Variants in MARCHF3 observed in about 807,000 individuals in gnomAD.
MARCHF3 encodes membrane associated ring-CH-type finger 3, also known as E3 ubiquitin-protein ligase MARCHF3.
A neutral mutation model predicts 24.2 loss-of-function variants in MARCHF3; 13 were observed. That is an observed-to-expected ratio of 0.54 (90% CI 0.35 to 0.85). The LOEUF is 0.85. MARCHF3 is among the 40% of genes least tolerant of loss of function. The pLI, the probability that MARCHF3 is intolerant of heterozygous loss-of-function variation, is 0.01. For missense variants in MARCHF3, 276 were observed against 325.0 expected (o/e 0.85, Z 1.16); for synonymous variants, 144 against 137.3 (o/e 1.05, Z -0.34).
chr5:126,915,650 G>A (rs1754702054), intron 2 of MARCHF3, among the ~76,000 whole-genome samples: 1 of 152,206 alleles, frequency 6.6e-6, no homozygotes, highest in South Asian at 2.1e-4. Flanking sequence ...TGCAGTCTGA[G>A]CCACAGCACA....
In MARCHF3 at chr5:126,990,841, CAAT is replaced by C. The variant is rs1751734301; in HGVS notation, c.-57+39506_-57+39508del. 1.3e-5 allele frequency among the ~76,000 whole-genome samples: 2 copies of C among 152,186 alleles called. 1 individual carries two copies. The highest frequency in any genetic ancestry group is 4.1e-4 in the South Asian group (2 of 4,828). On this transcript the variant is annotated intron_variant, in intron 1 of 4. Coordinates refer to ENST00000308660, the MANE Select transcript of MARCHF3 (RefSeq NM_178450.5). ...ATCAGAGAACTGCAAATCAAAACAA[CAAT>C]GAGATACCATCTCACACCAATTAGA...
At chr5:126,940,844 G>T (rs1391935592) in intron 1 of MARCHF3, among the ~76,000 whole-genome samples, 1 of 151,798 alleles carries the variant, frequency 6.6e-6, no homozygotes, top group African/African-American at 2.4e-5. Flanking sequence ...TATATTTGTG[G>T]AGTATATGAG....
At chr5:126,926,757 C>G (rs570730786) in intron 1 of MARCHF3, among the ~76,000 whole-genome samples, 1 of 152,114 alleles carries the variant, frequency 6.6e-6, no homozygotes, top group African/African-American at 2.4e-5. Context: ...TTACTTGACA[C>G]TGAACCTCAG....
intron 1 of MARCHF3, among the ~76,000 whole-genome samples, chr5:127,008,337 G>T (rs944090385): frequency 8.5e-5 from 13 of 152,146 alleles, no homozygotes; most frequent in Non-Finnish European, 1.3e-4. Context: ...TTTCCTAGTG[G>T]CTCCAGAGAA....
chr5:127,026,321 A>T (rs1752997325), intron 1 of MARCHF3, among the ~76,000 whole-genome samples: 1 of 152,210 alleles, frequency 6.6e-6, no homozygotes, highest in African/African-American at 2.4e-5. Flanking sequence ...CTATTTTGCC[A>T]GAGTGAAAAC....
At chr5:126,933,937 T>C (rs1749557451) in intron 1 of MARCHF3, among the ~76,000 whole-genome samples, 1 of 152,240 alleles carries the variant, frequency 6.6e-6, no homozygotes, top group South Asian at 2.1e-4. Context: ...TACAAATGAT[T>C]GTAAAGTCAT....
intron 3 of MARCHF3, among the ~76,000 whole-genome samples, chr5:126,892,700 A>G (rs1753737466): frequency 6.7e-6 from 1 of 149,914 alleles, no homozygotes; most frequent in Admixed American, 6.6e-5. Flanking sequence ...CCAGTATTTT[A>G]TTGAGAATTT....
intron 1 of MARCHF3, among the ~76,000 whole-genome samples, chr5:127,013,789 C>T (rs1752545159): frequency 6.6e-6 from 1 of 152,080 alleles, no homozygotes; most frequent in Non-Finnish European, 1.5e-5. Context: ...GTGCCAAGAA[C>T]ATCCATTGGG....
chr5:126,913,300 T>G (rs1326001598), intron 3 of MARCHF3, among the ~76,000 whole-genome samples: 1 of 152,238 alleles, frequency 6.6e-6, no homozygotes, highest in East Asian at 1.9e-4. Context: ...AAAGCAGGAC[T>G]TCCTCACTGT....
intron 3 of MARCHF3, among the ~76,000 whole-genome samples, chr5:126,907,511 G>A (rs553450159): frequency 6.6e-6 from 1 of 152,062 alleles, no homozygotes; most frequent in African/African-American, 2.4e-5. Context: ...CCTGTATTGG[G>A]TGCATATATA....
intron 3 of MARCHF3, among the ~76,000 whole-genome samples, chr5:126,905,966 G>T (rs377737792): frequency 0.016 from 2,386 of 151,700 alleles, 23 homozygotes; most frequent in Non-Finnish European, 0.021. Context: ...CATAGATAGC[G>T]CTTATTATTT....
rs535077857 is a variant in MARCHF3, at chr5:126,886,001, T to C, written c.394-7607A>G. Among the ~76,000 whole-genome samples the C allele has an allele frequency of 2.6e-5, 4 of 150,956 alleles. No homozygotes were observed. The South Asian group carries it at 8.3e-4, about 31-fold the overall frequency. On this transcript the variant is annotated intron_variant, in intron 3 of 4. Transcript: ENST00000308660. ...GTCACAATTACTATGTATATATATA[T>C]ATATATAATTTTTTTTTTCTAGAAG...
chr5:127,007,192 G>A (rs1752336388), intron 1 of MARCHF3, among the ~76,000 whole-genome samples: 1 of 151,734 alleles, frequency 6.6e-6, no homozygotes, highest in Admixed American at 6.6e-5. Context: ...ACAAGATTTT[G>A]GCAACAGTTT....
chr5:126,881,442 T>C (rs1753338854), intron 3 of MARCHF3, among the ~76,000 whole-genome samples: 1 of 152,186 alleles, frequency 6.6e-6, no homozygotes, highest in South Asian at 2.1e-4. Flanking sequence ...GATATATCCA[T>C]ATATCGACAC....
At chr5:126,917,325 A>G (rs1748904806) in intron 2 of MARCHF3, among the ~76,000 whole-genome samples, 1 of 152,188 alleles carries the variant, frequency 6.6e-6, no homozygotes, top group South Asian at 2.1e-4. Flanking sequence ...GCTGGTCAGG[A>G]TAAGTGGTCT....
intron 1 of MARCHF3, among the ~76,000 whole-genome samples, chr5:126,945,538 C>T (rs1473931380): frequency 6.6e-6 from 1 of 152,176 alleles, no homozygotes; most frequent in Non-Finnish European, 1.5e-5. Context: ...TTTGCAAACT[C>T]CCCAGTGTTA....
At chr5:127,023,751 A>C (rs1455669957) in intron 1 of MARCHF3, among the ~76,000 whole-genome samples, 1 of 149,236 alleles carries the variant, frequency 6.7e-6, no homozygotes, top group East Asian at 2.0e-4. Context: ...TAAATAAATA[A>C]ATAAATAAAT....
rs796441187 is a variant in MARCHF3 at position 126,870,119 on chromosome 5, A to G, written c.*514T>C. 2 of 152,752 alleles carry G rather than the reference A, an allele frequency of 1.3e-5. No individual in the cohort carries two copies. Among genetic ancestry groups the G allele is most frequent in the African/African-American group, 4.8e-5 (2 of 41,558 alleles). 9.5% of individuals were successfully genotyped at this position (152,752 alleles called of 1,614,324 possible). A position where few individuals can be genotyped will look rare whatever the true frequency, so the allele number is the denominator to read the frequency against. Reference sequence around the variant, plus strand: ...TCTCCTTGAGTAATGGACGCGAAAGAGATGAAAAAGACCACTCAGGCTACC... The same window carrying G: ...TCTCCTTGAGTAATGGACGCGAAAGGGATGAAAAAGACCACTCAGGCTACC... On this transcript the variant is annotated 3_prime_UTR_variant, in exon 5 of 5. Coordinates refer to ENST00000308660, the MANE Select transcript of MARCHF3 (RefSeq NM_178450.5).
intron 1 of MARCHF3, among the ~76,000 whole-genome samples, chr5:126,929,186 C>G (rs948799546): frequency 6.6e-6 from 1 of 152,216 alleles, no homozygotes; most frequent in African/African-American, 2.4e-5. Context: ...TCCTAATCTC[C>G]ATTTTTTAAA....
Sources: gnomAD v4.1 joint callset for allele counts (sites outside exome capture counted in the v4.1 genomes callset) on GRCh38, gnomAD v4.1.1 for gene constraint, MANE v1.5 for transcripts, NCBI Gene and HGNC (gene_info 2026-07-23, HGNC 2026-07-21) for gene names.